CTNNB1: variants seen among roughly 807,000 people sequenced by gnomAD.
CTNNB1 encodes the protein catenin beta-1.
In CTNNB1, 6 loss-of-function variants were observed where a neutral mutation model predicts 82.5. That is an observed-to-expected ratio of 0.07 (90% confidence interval 0.04 to 0.14). CTNNB1 has a LOEUF of 0.14. CTNNB1 is among the 10% of genes least tolerant of loss of function. The probability of loss-of-function intolerance (pLI) is 1.00; values close to 1 mark genes in which losing one functional copy is unlikely to be tolerated. For missense variants in CTNNB1, 529 were observed against 980.4 expected, an observed-to-expected ratio of 0.54 and a Z score of 6.15; for synonymous variants, 312 against 329.7, an observed-to-expected ratio of 0.95 and a Z score of 0.58.
chr3:41,239,986 C>CTTTTTTTTTTTTTTTTTTTTTT lies in CTNNB1; in HGVS notation c.*648_*669dup, dbSNP rs1207330730. 9.8e-5 allele frequency: 3 copies of CTTTTTTTTTTTTTTTTTTTTTT among 30,588 alleles called. No homozygotes were observed. Among genetic ancestry groups the CTTTTTTTTTTTTTTTTTTTTTT allele is most frequent in the Admixed American group, 5.2e-4 (1 of 1,936 alleles). 1.9% of individuals were successfully genotyped at this position (30,588 alleles called of 1,614,324 possible). On this transcript the variant is annotated 3_prime_UTR_variant, in exon 15 of 15. Transcript: ENST00000349496. ...TGACTTTGCTTGCTTTGAAGTAGCT[C>CTTTTTTTTTTTTTTTTTTTTTT]TTTTTTTTTTTTTTTTTTTTTTTTT...
chr3:41,217,468 G>A (rs2077941508), intron 1 of CTNNB1, among the ~76,000 whole-genome samples: 1 of 152,136 alleles, frequency 6.6e-6, no homozygotes, highest in African/African-American at 2.4e-5. Context: ...GTGAATATAT[G>A]TTCCATTTAA....
At chr3:41,226,747 G>T (rs573882421) in intron 6 of CTNNB1, among the ~76,000 whole-genome samples, 2 of 152,218 alleles carry the variant, frequency 1.3e-5, no homozygotes, top group Non-Finnish European at 2.9e-5. Flanking sequence ...GGAATGAAAG[G>T]ACAAGCATGA....
Position 41,225,902 on chromosome 3 carries a change from G to A in CTNNB1, c.936+41G>A, listed in dbSNP as rs758623642. On this transcript the variant is annotated intron_variant, in intron 6 of 14. Coordinates refer to ENST00000349496, the MANE Select transcript of CTNNB1 (RefSeq NM_001904.4). This position sits in a 1 kb window ranked among gnomAD's most constrained non-coding sequence, Gnocchi z 5.3. ...TTTATGTGGTTTTCATGGAGCATTGGACACCTCCAGTGTCATGTCATTCCA... is the reference window on the plus strand; with the variant it reads ...TTTATGTGGTTTTCATGGAGCATTGAACACCTCCAGTGTCATGTCATTCCA... 2.6e-6 allele frequency: 4 copies of A among 1,547,534 alleles called. No homozygotes were observed. The highest frequency in any genetic ancestry group is 3.6e-6 in the Non-Finnish European group (4 of 1,123,862).
rs2125628340 is a variant in CTNNB1 at position 41,227,343 on chromosome 3, G to A, written c.1072G>A (p.Val358Ile). The change falls in exon 7 of 15, where the codon GTA (valine) becomes ATA (isoleucine). Residue 358 changes from valine to isoleucine, a missense_variant. Val to Ile is a conservative substitution (Grantham distance 29, BLOSUM62 3). This residue lies in a region of CTNNB1 where 411 missense variants were observed against 776.4 expected (regional missense o/e 0.53). Transcript: ENST00000349496. ...SVCSSNKPAI[V>I]EAGGMQALGL... ...CTGCTCTAGTAATAAGCCGGCTATT[G>A]TAGAAGCTGGTAAGTATATGTATCT... The A allele has an allele frequency of 6.2e-7, 1 of 1,613,866 alleles. No homozygotes were observed. The highest frequency in any genetic ancestry group is 1.7e-5 in the Admixed American group (1 of 60,016).
intron 7 of CTNNB1, among the ~76,000 whole-genome samples, chr3:41,231,339 A>C (rs2078304280): frequency 6.6e-6 from 1 of 151,538 alleles, no homozygotes; most frequent in Non-Finnish European, 1.5e-5. Flanking sequence ...AAAAAAAAAA[A>C]AGGGAAAGAG....
At chr3:41,233,271 A>G in intron 7 of CTNNB1, 70 bp from the exon 8 acceptor site, 1 of 1,312,942 alleles carries the variant, frequency 7.6e-7, no homozygotes, top group Non-Finnish European at 1.1e-6. Flanking sequence ...CTAAGGCTAG[A>G]ACAGATATTT....
intron 1 of CTNNB1, among the ~76,000 whole-genome samples, chr3:41,201,381 G>A (rs1206540753): frequency 1.3e-5 from 2 of 152,014 alleles, no homozygotes; most frequent in African/African-American, 2.4e-5. Flanking sequence ...AAGGTTTGAG[G>A]ATGTCCTTTC....
At chr3:41,216,973 T>G (rs1320557803) in intron 1 of CTNNB1, among the ~76,000 whole-genome samples, 2 of 152,224 alleles carry the variant, frequency 1.3e-5, no homozygotes, top group African/African-American at 4.8e-5. Flanking sequence ...TTTTTTCCCC[T>G]TTATAGCTGC....
At position 41,225,310 on chromosome 3, in the gene CTNNB1, T is replaced by C. The variant is rs761732637; in HGVS notation, c.496-24T>C. The C allele has an allele frequency of 1.9e-6, 3 of 1,613,890 alleles. No homozygotes were observed. The highest frequency in any genetic ancestry group is 2.5e-6 in the Non-Finnish European group (3 of 1,179,832). On this transcript the variant is annotated intron_variant, in intron 4 of 14. Coordinates refer to ENST00000349496, the MANE Select transcript of CTNNB1 (RefSeq NM_001904.4). This position sits in a 1 kb window ranked among gnomAD's most constrained non-coding sequence, Gnocchi z 5.3. ...AATACCAGTACTTGAAAACTAACGA[T>C]GTTTCTGAATTCCTGTATTACAGGT...
intron 1 of CTNNB1, among the ~76,000 whole-genome samples, chr3:41,213,507 T>A (rs955633890): frequency 1.3e-5 from 2 of 152,204 alleles, no homozygotes; most frequent in African/African-American, 4.8e-5. Context: ...TCTGCAGTAA[T>A]CACTACTGCA....
chr3:41,235,766 G>A lies in CTNNB1; in HGVS notation c.1726G>A (p.Ala576Thr). ...MEEIVEGCTG[A>T]LHILARDVHN... ...AGAAATAGTTGAAGGTTGTACCGGA[G>A]CCCTTCACATCCTAGCTCGGGATGT... The change falls in exon 11 of 15, where the codon GCC becomes ACC. Residue 576 changes from alanine (A) to threonine (T), a missense_variant. Around this residue, in one of 4 missense-constraint regions of CTNNB1, gnomAD observed 411 missense variants for 776.4 expected, o/e 0.53. Coordinates refer to ENST00000349496, the MANE Select transcript of CTNNB1 (RefSeq NM_001904.4). The A allele has an allele frequency of 6.2e-7, 1 of 1,614,118 alleles. No individual in the cohort carries two copies.
chr3:41,201,555 T>G (rs2077530620), intron 1 of CTNNB1, among the ~76,000 whole-genome samples: 1 of 152,156 alleles, frequency 6.6e-6, no homozygotes, highest in Admixed American at 6.5e-5. Flanking sequence ...CTGAGACTAT[T>G]CAAGTTTGAA....
chr3:41,236,093 C>G (rs2078429119), intron 11 of CTNNB1: 2 of 682,742 alleles, frequency 2.9e-6, no homozygotes, highest in South Asian at 3.7e-5. Flanking sequence ...GGCATAGACC[C>G]CCAACCAATT....
Position 41,210,433 on chromosome 3 carries a change from G to A in CTNNB1, c.-49+10763G>A, listed in dbSNP as rs560978564. On this transcript the variant is annotated intron_variant, in intron 1 of 14. Coordinates refer to ENST00000349496, the MANE Select transcript of CTNNB1 (RefSeq NM_001904.4). ...AGCGCCACTGCACTCCAGTCTGGGC[G>A]ACAGAGCGGAAACTCCGTCTCAAAA... 5.4e-4 allele frequency among the ~76,000 whole-genome samples: 82 copies of A among 152,186 alleles called. 1 individual carries two copies. Among genetic ancestry groups the A allele is most frequent in the Admixed American group, 1.8e-3 (28 of 15,290 alleles).
At chr3:41,203,651 G>T (rs1010796937) in intron 1 of CTNNB1, among the ~76,000 whole-genome samples, 3 of 152,160 alleles carry the variant, frequency 2.0e-5, no homozygotes, top group African/African-American at 4.8e-5. Context: ...GCCAGTGTAT[G>T]TGACCTAAAA....
At chr3:41,207,196 A>G (rs2077669305) in intron 1 of CTNNB1, among the ~76,000 whole-genome samples, 1 of 152,220 alleles carries the variant, frequency 6.6e-6, no homozygotes, top group African/African-American at 2.4e-5. Flanking sequence ...TGAGATATCT[A>G]GGAATGCCAG....
chr3:41,203,616 A>G (rs2125584463), intron 1 of CTNNB1, among the ~76,000 whole-genome samples: 1 of 152,276 alleles, frequency 6.6e-6, no homozygotes, highest in South Asian at 2.1e-4. Context: ...TATATTAGGA[A>G]ATAGATAGAA....
chr3:41,236,021 A>T (rs1328393479), intron 11 of CTNNB1, 178 bp downstream of exon 11: 1 of 798,752 alleles, frequency 1.3e-6, no homozygotes, highest in Non-Finnish European at 2.0e-6. Flanking sequence ...GAGGGAGGAG[A>T]TTTCACATTT....
intron 7 of CTNNB1, among the ~76,000 whole-genome samples, chr3:41,230,766 TC>T (rs2078287833): frequency 6.6e-6 from 1 of 152,168 alleles, no homozygotes; most frequent in African/African-American, 2.4e-5. Context: ...TTAAACGTTT[TC>T]CAGGTAGAGA....
Sources: gnomAD v4.1 joint callset for allele counts (sites outside exome capture counted in the v4.1 genomes callset) on GRCh38, gnomAD v4.1.1 for gene constraint, gnomAD v4.1.1 regional missense constraint, Gnocchi (gnomAD v3.1) non-coding constraint, MANE v1.5 for transcripts, NCBI Gene and HGNC (gene_info 2026-07-23, HGNC 2026-07-21) for gene names.